The following AKAP19 variants were observed in gnomAD, a reference collection of about 807,000 sequenced individuals.
AKAP19 encodes small A-kinase anchoring protein.
chr2:189,952,463 C>A, the AKAP19 span, among the ~76,000 whole-genome samples: 2 of 151,774 alleles, frequency 1.3e-5, no homozygotes, highest in African/African-American at 4.8e-5. Context: ...GTACCTAGAT[C>A]TTAGAAATAG....
the AKAP19 span, among the ~76,000 whole-genome samples, chr2:190,176,190 T>C: frequency 2.6e-5 from 4 of 152,252 alleles, no homozygotes; most frequent in Non-Finnish European, 4.4e-5. The surrounding 1 kb of genome is among the most constrained non-coding windows in gnomAD (Gnocchi z 4.7). Context: ...GGTAATCTAA[T>C]GATTTGCAAT....
chr2:190,176,583 C>T, the AKAP19 span, among the ~76,000 whole-genome samples: 4 of 152,264 alleles, frequency 2.6e-5, no homozygotes, highest in East Asian at 1.9e-4. The surrounding 1 kb of genome is among the most constrained non-coding windows in gnomAD (Gnocchi z 4.7). Flanking sequence ...CTCCTGACCT[C>T]GTGATCTGCC....
the AKAP19 span, among the ~76,000 whole-genome samples, chr2:190,099,519 T>C: frequency 2.0e-5 from 3 of 152,150 alleles, no homozygotes; most frequent in Non-Finnish European, 1.5e-5. Flanking sequence ...TCACTGATCA[T>C]AGATCACCAT....
the AKAP19 span, among the ~76,000 whole-genome samples, chr2:190,063,588 C>A: frequency 6.6e-6 from 1 of 152,018 alleles, no homozygotes; most frequent in Non-Finnish European, 1.5e-5. Context: ...AGTAAATATC[C>A]AGAGAGTAAA....
chr2:190,199,659 T>C, the AKAP19 span: 7 of 1,342,982 alleles, frequency 5.2e-6, no homozygotes, highest in Non-Finnish European at 6.8e-6. Context: ...TATTTTGCAT[T>C]CTGTAACTTC....
chr2:190,177,663 G>A, the AKAP19 span, among the ~76,000 whole-genome samples: 1 of 152,194 alleles, frequency 6.6e-6, no homozygotes, highest in African/African-American at 2.4e-5. This position sits in a 1 kb window ranked among gnomAD's most constrained non-coding sequence, Gnocchi z 4.6. Flanking sequence ...AACCAGTGGC[G>A]GGAGTCAGCT....
At chr2:189,983,120 G>C in the AKAP19 span, among the ~76,000 whole-genome samples, 1 of 152,076 alleles carries the variant, frequency 6.6e-6, no homozygotes, top group African/African-American at 2.4e-5. Flanking sequence ...AAGGGGTGAG[G>C]GTGCACAGTT....
the AKAP19 span, among the ~76,000 whole-genome samples, chr2:189,894,129 C>A: frequency 3.4e-4 from 51 of 152,036 alleles, no homozygotes; most frequent in Non-Finnish European, 6.5e-4. Context: ...GGTAATAGAC[C>A]AAGAATCTCT....
the AKAP19 span, among the ~76,000 whole-genome samples, chr2:190,146,322 C>T: frequency 6.6e-6 from 1 of 152,156 alleles, no homozygotes; most frequent in Non-Finnish European, 1.5e-5. Flanking sequence ...TAATTCATTC[C>T]TTTTCATGAC....
chr2:190,170,228 C>T, the AKAP19 span, among the ~76,000 whole-genome samples: 1 of 152,342 alleles, frequency 6.6e-6, no homozygotes, highest in East Asian at 1.9e-4. Context: ...CTAATTACTT[C>T]CCAAAGGCCC....
At chr2:189,979,845 AAC>A in the AKAP19 span, among the ~76,000 whole-genome samples, 4 of 152,224 alleles carry the variant, frequency 2.6e-5, no homozygotes, top group African/African-American at 7.2e-5. Flanking sequence ...CCATCAGAGA[AAC>A]ACAAATTAAA....
At chr2:190,185,354 G>A in the AKAP19 span, among the ~76,000 whole-genome samples, 3 of 152,200 alleles carry the variant, frequency 2.0e-5, no homozygotes, top group African/African-American at 7.2e-5. Flanking sequence ...TTAAACACAC[G>A]TATGCACAGG....
chr2:190,034,918 T>G, the AKAP19 span, among the ~76,000 whole-genome samples: 1 of 149,772 alleles, frequency 6.7e-6, no homozygotes, highest in Non-Finnish European at 1.5e-5. Context: ...TTTAAAGTAT[T>G]CAAAAGTAGA....
chr2:190,070,795 A>G, the AKAP19 span, among the ~76,000 whole-genome samples: 1 of 152,180 alleles, frequency 6.6e-6, no homozygotes, highest in Non-Finnish European at 1.5e-5. Context: ...TTTTTTAAAA[A>G]TCTCCATTCA....
the AKAP19 span, among the ~76,000 whole-genome samples, chr2:189,957,317 A>G: frequency 2.0e-5 from 3 of 152,238 alleles, no homozygotes; most frequent in Non-Finnish European, 4.4e-5. Flanking sequence ...TATGCTATAC[A>G]TATATATTCC....
chr2:189,928,255 A>G, the AKAP19 span, among the ~76,000 whole-genome samples: 2 of 152,118 alleles, frequency 1.3e-5, no homozygotes, highest in Admixed American at 6.5e-5. Context: ...AGTGAATCAT[A>G]TTTGAAGGCC....
the AKAP19 span, among the ~76,000 whole-genome samples, chr2:190,032,913 G>A: frequency 3.3e-5 from 5 of 151,878 alleles, no homozygotes; most frequent in African/African-American, 1.2e-4. Flanking sequence ...AAATATTACT[G>A]ATTTTTTTCA....
At chr2:189,896,610 G>A in the AKAP19 span, among the ~76,000 whole-genome samples, 1 of 152,078 alleles carries the variant, frequency 6.6e-6, no homozygotes, top group Non-Finnish European at 1.5e-5. Context: ...TTATATCAAT[G>A]CAAATGATAT....
chr2:190,098,791 A>G, the AKAP19 span, among the ~76,000 whole-genome samples: 2 of 152,216 alleles, frequency 1.3e-5, no homozygotes, highest in African/African-American at 4.8e-5. Context: ...CACCTTCATC[A>G]ATGATGTTGG....
Sources: gnomAD v4.1 joint callset for allele counts (sites outside exome capture counted in the v4.1 genomes callset) on GRCh38, gnomAD v4.1.1 for gene constraint, Gnocchi (gnomAD v3.1) non-coding constraint, MANE v1.5 for transcripts, NCBI Gene and HGNC (gene_info 2026-07-23, HGNC 2026-07-21) for gene names.